GRIK4: variants seen among roughly 807,000 people sequenced by gnomAD.
The protein encoded by GRIK4 is glutamate receptor ionotropic, kainate 4.
GRIK4 carries 40 observed loss-of-function variants against 104.9 expected under a neutral mutation model. The ratio of observed to expected loss-of-function variants is 0.38; its 90% CI spans 0.30 to 0.50. The LOEUF is 0.50. Ranked by LOEUF, GRIK4 falls within the 20% of genes least tolerant of loss-of-function variation. GRIK4 has a pLI of 0.93. For synonymous variants in GRIK4, 485 were observed against 524.9 expected (o/e 0.92, Z 1.04); for missense variants, 1,047 against 1,308.1 (o/e 0.80, Z 3.08).
chr11:120,935,856 A>T (rs1453717793), intron 13 of GRIK4, among the ~76,000 whole-genome samples: 3 of 152,222 alleles, frequency 2.0e-5, no homozygotes, highest in African/African-American at 7.2e-5. Context: ...AGGGTTATCT[A>T]AAGACACATT....
At chr11:120,963,009 T>G (rs1003736014) in intron 18 of GRIK4, 23 of 201,762 alleles carry the variant, frequency 1.1e-4, no homozygotes, top group Admixed American at 9.3e-4. Flanking sequence ...TTTGTTCCTT[T>G]TCTGGCTTGC....
At chr11:120,963,253 G>A (rs1565466020) in intron 18 of GRIK4, among the ~76,000 whole-genome samples, 1 of 152,210 alleles carries the variant, frequency 6.6e-6, no homozygotes. Flanking sequence ...TAAGGCTCTG[G>A]TGTTCAGCCT....
chr11:120,652,063 C>T (rs1949627730), intron 1 of GRIK4, among the ~76,000 whole-genome samples: 1 of 152,178 alleles, frequency 6.6e-6, no homozygotes, highest in Non-Finnish European at 1.5e-5. Flanking sequence ...GTTACACAAC[C>T]TCTCCGCCTT....
chr11:120,956,654 G>A lies in GRIK4; in HGVS notation c.1701-126G>A. ...TTTTGGTTGCGAAACTCCAAGTCCA[G>A]CAAAGGGAAGTGGCTTGCCCAAGGC... is the stretch of plus-strand genomic sequence containing the variant. On this transcript the variant is annotated intron_variant, in intron 15 of 20. Transcript: ENST00000527524. This position sits in a 1 kb window ranked among gnomAD's most constrained non-coding sequence, Gnocchi z 4.6. The A allele has an allele frequency of 1.9e-6, 1 of 533,506 alleles. No individual in the cohort carries two copies. The highest frequency in any genetic ancestry group is 3.2e-6 in the Non-Finnish European group (1 of 317,416). The allele number at this position is 533,506 out of a possible 1,614,324, so 33.0% of individuals were successfully genotyped here.
intron 1 of GRIK4, among the ~76,000 whole-genome samples, chr11:120,650,107 C>T (rs968520342): frequency 1.3e-5 from 2 of 152,186 alleles, no homozygotes; most frequent in Admixed American, 6.5e-5. Flanking sequence ...TTCCACCTCC[C>T]GTGGCTGGCA....
intron 8 of GRIK4, among the ~76,000 whole-genome samples, chr11:120,837,460 G>T (rs1236025861): frequency 2.6e-5 from 4 of 152,152 alleles, no homozygotes; most frequent in African/African-American, 9.7e-5. Context: ...TGCCTAGTTT[G>T]CCACCACCAT....
In GRIK4 at chr11:120,902,515, A is replaced by G. The variant is rs1253467315; in HGVS notation, c.1273-2775A>G. On this transcript the variant is annotated intron_variant, in intron 12 of 20. Transcript: ENST00000527524. This position sits in a 1 kb window ranked among gnomAD's most constrained non-coding sequence, Gnocchi z 4.5. ...ACAATCAAAGATACAATGGGACATT[A>G]CCAGTCCTGAGATGGAAACCCCCAG... Among the ~76,000 whole-genome samples, 3 of 152,196 alleles carry G rather than the reference A, an allele frequency of 2.0e-5. No individual in the cohort carries two copies. Among genetic ancestry groups the G allele is most frequent in the African/African-American group, 7.2e-5 (3 of 41,448 alleles).
chr11:120,551,550 G>A (rs1328717732), intron 1 of GRIK4, among the ~76,000 whole-genome samples: 1 of 152,196 alleles, frequency 6.6e-6, no homozygotes, highest in African/African-American at 2.4e-5. Context: ...GGAGGCTGAG[G>A]TGGGCAGATT....
At chr11:120,625,168 G>A (rs541594397) in intron 1 of GRIK4, among the ~76,000 whole-genome samples, 3 of 152,242 alleles carry the variant, frequency 2.0e-5, no homozygotes, top group Non-Finnish European at 2.9e-5. Context: ...CCAGCTACTC[G>A]GGAGGCTGAG....
chr11:120,662,766 A>G (rs759970306), intron 3 of GRIK4, among the ~76,000 whole-genome samples: 9 of 152,088 alleles, frequency 5.9e-5, no homozygotes, highest in Non-Finnish European at 1.3e-4. Context: ...CAGCCTCAGA[A>G]TGGGTGGCTC....
chr11:120,515,006 G>A (rs1188917549), intron 1 of GRIK4: 5 of 456,562 alleles, frequency 1.1e-5, no homozygotes, highest in Non-Finnish European at 2.2e-5. Context: ...TCTCACAGGG[G>A]ACCCTGTCTC....
chr11:120,820,619 T>C (rs555984724), intron 6 of GRIK4, among the ~76,000 whole-genome samples: 21 of 152,346 alleles, frequency 1.4e-4, no homozygotes, highest in Non-Finnish European at 2.6e-4. Context: ...TGCTGGCCAC[T>C]GGCTACTGCT....
At chr11:120,922,028 C>T (rs1203029158) in intron 13 of GRIK4, among the ~76,000 whole-genome samples, 1 of 152,124 alleles carries the variant, frequency 6.6e-6, no homozygotes, top group African/African-American at 2.4e-5. Context: ...CCCATCTGGA[C>T]TTCGGAGCCA....
At position 120,511,894 on chromosome 11, in the gene GRIK4, G is replaced by C; in HGVS notation, c.-159+7G>C. ...GGAGTGCGGAGCCGACCAGGTAAGGGCAGCGGCCCCCCGCGGCGCCCCCGG... is the reference window on the plus strand; with the variant it reads ...GGAGTGCGGAGCCGACCAGGTAAGGCCAGCGGCCCCCCGCGGCGCCCCCGG... On this transcript the variant is annotated splice_region_variant and intron_variant, in intron 1 of 20. Transcript: ENST00000527524. 5.9e-6 allele frequency: 1 copy of C among 168,304 alleles called. No homozygotes were observed. The highest frequency in any genetic ancestry group is 1.2e-5 in the Non-Finnish European group (1 of 81,436). The allele number at this position is 168,304 out of a possible 1,614,324, so 10.4% of individuals were successfully genotyped here.
rs935946232 is a variant in GRIK4 at position 120,512,680 on chromosome 11, C to T, written c.-159+793C>T. ...AGGGGGAGGGGAGCTGATTTAGATT[C>T]TCTTCAGTGAGGACTGGCAGAGCTG... On this transcript the variant is annotated intron_variant, in intron 1 of 20. Coordinates refer to ENST00000527524, the MANE Select transcript of GRIK4 (RefSeq NM_014619.5). Among the ~76,000 whole-genome samples, 3 of 152,084 alleles carry T rather than the reference C, an allele frequency of 2.0e-5. No homozygotes were observed. The South Asian group carries it at 6.2e-4, about 32-fold the overall frequency.
At chr11:120,740,135 G>A (rs1951301600) in intron 3 of GRIK4, among the ~76,000 whole-genome samples, 1 of 152,198 alleles carries the variant, frequency 6.6e-6, no homozygotes, top group Admixed American at 6.5e-5. Flanking sequence ...TCACATAGGT[G>A]TAGATTGACT....
chr11:120,865,391 C>A (rs1476988934), intron 9 of GRIK4, among the ~76,000 whole-genome samples: 1 of 152,372 alleles, frequency 6.6e-6, no homozygotes, highest in East Asian at 1.9e-4. Context: ...ACCTGTGGGT[C>A]AGCGAGGGAG....
intron 3 of GRIK4, among the ~76,000 whole-genome samples, chr11:120,783,764 A>G (rs1952209114): frequency 6.6e-6 from 1 of 152,186 alleles, no homozygotes; most frequent in Non-Finnish European, 1.5e-5. Flanking sequence ...TCTTGAGGAA[A>G]TTCATGCAGA....
chr11:120,849,956 C>T (rs1953937665), intron 8 of GRIK4, among the ~76,000 whole-genome samples: 1 of 152,194 alleles, frequency 6.6e-6, no homozygotes, highest in Non-Finnish European at 1.5e-5. Context: ...GGTCCCCCTG[C>T]AAGTTCATTC....
Sources: allele counts gnomAD v4.1 joint callset (sites outside exome capture counted in the v4.1 genomes callset), GRCh38; gene constraint gnomAD v4.1.1; non-coding constraint Gnocchi (gnomAD v3.1); transcripts MANE v1.5; gene names NCBI Gene and HGNC (gene_info 2026-07-23, HGNC 2026-07-21).